Variants in MYO18B observed in about 807,000 individuals in gnomAD.
The protein encoded by MYO18B is myosin XVIIIB.
A neutral mutation model predicts 273.0 loss-of-function variants in MYO18B; 204 were observed. The ratio of observed to expected loss-of-function variants is 0.75; its 90% CI spans 0.67 to 0.84. The LOEUF is 0.84. Ranked by LOEUF, MYO18B falls within the 40% of genes least tolerant of loss-of-function variation. MYO18B has a pLI of 0.00. For missense variants in MYO18B, 3,212 were observed against 3,287.6 expected, an observed-to-expected ratio of 0.98 and a Z score of 0.56; for synonymous variants, 1,330 against 1,305.7, an observed-to-expected ratio of 1.02 and a Z score of -0.40.
At chr22:25,885,490 G>C (rs2091469917) in intron 25 of MYO18B, among the ~76,000 whole-genome samples, 2 of 152,204 alleles carry the variant, frequency 1.3e-5, no homozygotes, top group African/African-American at 4.8e-5. Flanking sequence ...GGCACAGCAA[G>C]AGCAGAGGCG....
intron 42 of MYO18B, among the ~76,000 whole-genome samples, chr22:26,008,124 AG>A (rs1378746545): frequency 2.0e-5 from 3 of 152,204 alleles, no homozygotes; most frequent in Non-Finnish European, 4.4e-5. Flanking sequence ...TTTCCTTACC[AG>A]TATGCATAAG....
At chr22:25,763,988 G>T (rs1312069915) in intron 3 of MYO18B, among the ~76,000 whole-genome samples, 15 of 152,148 alleles carry the variant, frequency 9.9e-5, no homozygotes, top group Admixed American at 9.8e-4. Context: ...GGTGGTAAAT[G>T]GTTGTAACCC....
At chr22:25,950,508 A>C in intron 37 of MYO18B, 58 bp downstream of exon 37, 1 of 831,854 alleles carries the variant, frequency 1.2e-6, no homozygotes, top group East Asian at 2.9e-5. Context: ...AGAGGGACAG[A>C]ACTAATAGGA....
chr22:25,964,754 C>A (rs1018209287), intron 39 of MYO18B: 6 of 152,226 alleles, frequency 3.9e-5, no homozygotes, highest in African/African-American at 1.4e-4. Flanking sequence ...TCACCATAAC[C>A]CTTTAGTTAA....
intron 34 of MYO18B, among the ~76,000 whole-genome samples, chr22:25,928,402 CA>C (rs71311529): frequency 0.012 from 589 of 48,058 alleles, 2 homozygotes; most frequent in South Asian, 0.047. Context: ...GACCCGGCCT[CA>C]AAAAAAAAAA....
intron 15 of MYO18B, among the ~76,000 whole-genome samples, chr22:25,830,872 C>T (rs981883058): frequency 3.3e-5 from 5 of 152,176 alleles, no homozygotes; most frequent in African/African-American, 1.2e-4. Context: ...TCATTGTTAC[C>T]AGACTCCCCA....
At chr22:25,914,686 C>CT (rs3070566) in intron 33 of MYO18B, among the ~76,000 whole-genome samples, 1,391 of 50,780 alleles carry the variant, frequency 0.027, 581 homozygotes, top group African/African-American at 0.099. Flanking sequence ...AGTTTTGACT[C>CT]TTTTTTTTTT....
chr22:26,006,506 A>G, intron 42 of MYO18B: 1 of 296,848 alleles, frequency 3.4e-6, no homozygotes, highest in Admixed American at 3.7e-5. Context: ...CTGGATTAGA[A>G]AGCATAATCT....
intron 22 of MYO18B, among the ~76,000 whole-genome samples, chr22:25,872,066 TTG>T (rs1416937399): frequency 6.6e-6 from 1 of 152,096 alleles, no homozygotes; most frequent in Non-Finnish European, 1.5e-5. Flanking sequence ...AATGAGCCAA[TTG>T]TGTCTTTATT....
intron 39 of MYO18B, among the ~76,000 whole-genome samples, chr22:25,965,431 A>T (rs2092967178): frequency 6.6e-6 from 1 of 152,168 alleles, no homozygotes; most frequent in Admixed American, 6.5e-5. Context: ...ACCACCAGGA[A>T]AAAAGATCGG....
chr22:25,921,306 G>A lies in MYO18B; in HGVS notation c.5414G>A (p.Arg1805Lys), dbSNP rs1242300723. The stretch of plus-strand genomic sequence containing the variant: ...GAGAAGCGACTTCGGAGAGACCTCA[G>A]GAGGACACATGCACTGTTGTCAGAC... ...DVEKRLRRDL[R>K]RTHALLSDVQ... is the part of the protein sequence containing the mutation. The change falls in exon 34 of 44, where the codon AGG becomes AAG. Residue 1805 changes from arginine to lysine, a missense_variant. Arg to Lys is a conservative substitution (Grantham distance 26, BLOSUM62 2). Coordinates refer to ENST00000335473, the MANE Select transcript of MYO18B (RefSeq NM_032608.7). 1.3e-6 allele frequency: 2 copies of A among 1,561,430 alleles called. No homozygotes were observed. The highest frequency in any genetic ancestry group is 3.9e-5 in the Admixed American group (2 of 51,766).
At chr22:25,839,839 C>T (rs1205568775) in intron 17 of MYO18B, among the ~76,000 whole-genome samples, 1 of 152,222 alleles carries the variant, frequency 6.6e-6, no homozygotes, top group African/African-American at 2.4e-5. Context: ...CTTCTGCTCA[C>T]CGCTCAACTG....
At chr22:26,046,699 T>C in the MYO18B span, among the ~76,000 whole-genome samples, 30 of 152,348 alleles carry the variant, frequency 2.0e-4, no homozygotes, top group African/African-American at 6.5e-4. Context: ...TTGTTAAAAA[T>C]GAAGTCCAAT....
chr22:26,061,880 T>C, the MYO18B span, among the ~76,000 whole-genome samples: 1 of 129,516 alleles, frequency 7.7e-6, no homozygotes, highest in Admixed American at 7.8e-5. Flanking sequence ...ATTTAAAAAT[T>C]GATGCTGAAA....
At chr22:25,828,061 G>C (rs2089558955) in intron 14 of MYO18B, among the ~76,000 whole-genome samples, 1 of 152,194 alleles carries the variant, frequency 6.6e-6, no homozygotes, top group African/African-American at 2.4e-5. Flanking sequence ...CATACTCGTG[G>C]TGATGAGAGC....
At chr22:25,804,345 G>A (rs961928144) in intron 12 of MYO18B, among the ~76,000 whole-genome samples, 1 of 152,196 alleles carries the variant, frequency 6.6e-6, no homozygotes. Flanking sequence ...ACGGAATAGG[G>A]GAGCAATGAT....
At chr22:25,832,803 T>A in intron 15 of MYO18B, 114 bp from the exon 16 acceptor site, 1 of 881,116 alleles carries the variant, frequency 1.1e-6, no homozygotes, top group East Asian at 2.6e-5. Context: ...AAAAACGATT[T>A]TTTTAAAGGG....
At chr22:26,050,441 C>G in the MYO18B span, among the ~76,000 whole-genome samples, 1 of 152,120 alleles carries the variant, frequency 6.6e-6, no homozygotes, top group Non-Finnish European at 1.5e-5. Context: ...TTCAAGATTG[C>G]CTTCTGCAGT....
chr22:26,061,579 A>T, the MYO18B span, among the ~76,000 whole-genome samples: 1 of 151,740 alleles, frequency 6.6e-6, no homozygotes, highest in African/African-American at 2.4e-5. Context: ...GTGAGATGGG[A>T]CCCCAGGGAG....
Sources: allele counts gnomAD v4.1 joint callset (sites outside exome capture counted in the v4.1 genomes callset), GRCh38; gene constraint gnomAD v4.1.1; transcripts MANE v1.5; gene names NCBI Gene and HGNC (gene_info 2026-07-23, HGNC 2026-07-21).